Variants in OR5K2 observed in about 807,000 individuals in gnomAD.
OR5K2 encodes the protein olfactory receptor family 5 subfamily K member 2.
For synonymous variants in OR5K2, 124 were observed against 133.2 expected, an observed-to-expected ratio of 0.93 and a Z score of 0.48; for missense variants, 402 against 369.8, an observed-to-expected ratio of 1.09 and a Z score of -0.71.
Position 98,498,562 on chromosome 3 carries a change from C to T in OR5K2, c.882C>T (p.Asn294=), listed in dbSNP as rs201344411. 42 of 1,602,508 alleles carry T rather than the reference C, an allele frequency of 2.6e-5. No homozygotes were observed. Among genetic ancestry groups the T allele is most frequent in the Non-Finnish European group, 3.1e-5 (36 of 1,173,662 alleles). The change falls in exon 1 of 1, where the codon AAC becomes AAT. Residue 294 remains asparagine, a synonymous_variant. Coordinates refer to ENST00000427338, the MANE Select transcript of OR5K2 (RefSeq NM_001004737.1). ...LLNPFIYSLR[N]KEVISVLRKI... is the part of the protein sequence containing the mutation. ...ATCCTTTCATTTATAGTCTGAGAAA[C>T]AAGGAAGTAATAAGTGTCTTAAGAA...
rs1705731296 is a variant in OR5K2 at position 98,498,521 on chromosome 3, G to C, written c.841G>C (p.Val281Leu). The C allele has an allele frequency of 6.2e-7, 1 of 1,608,688 alleles. No individual in the cohort carries two copies. The highest frequency in any genetic ancestry group is 8.5e-7 in the Non-Finnish European group (1 of 1,175,544). The change falls in exon 1 of 1, where the codon GTA (valine) becomes CTA (leucine). Residue 281 changes from valine to leucine, a missense_variant. Physicochemically the swap from Val to Leu is conservative, Grantham distance 32. Transcript: ENST00000427338. ...DIPAAILFTI[V>L]VPLLNPFIYS... is the part of the protein sequence containing the mutation. ...ACCAGCTGCTATTTTATTTACAATA[G>C]TAGTTCCCTTACTAAATCCTTTCAT...
At position 98,498,487 on chromosome 3, in the gene OR5K2, T is replaced by C; in HGVS notation, c.807T>C (p.Gly269=). 9 of 1,610,900 alleles carry C rather than the reference T, an allele frequency of 5.6e-6. No individual in the cohort carries two copies. Among genetic ancestry groups the C allele is most frequent in the Non-Finnish European group, 6.8e-6 (8 of 1,177,314 alleles). ...YIRPNLLEEG[G]NDIPAAILFT... ...GACCAAATTTGCTTGAAGAAGGAGG[T>C]AATGATATACCAGCTGCTATTTTAT... Residue 269 remains glycine, a synonymous_variant, in exon 1 of 1, where the codon GGT becomes GGC. Transcript: ENST00000427338.
rs1705725367 is a variant in OR5K2, at chr3:98,498,155, C to T, written c.475C>T (p.His159Tyr). ...FIAGNLHSMI[H>Y]VGLVFRLVFC... is the part of the protein sequence containing the mutation. ...AGCTGGAAATCTGCATTCCATGATTCATGTAGGGCTTGTATTTAGGTTAGT... is the reference window on the plus strand; with the variant it reads ...AGCTGGAAATCTGCATTCCATGATTTATGTAGGGCTTGTATTTAGGTTAGT... Residue 159 changes from histidine (H) to tyrosine (Y), a missense_variant, in exon 1 of 1, where the codon CAT (histidine) becomes TAT (tyrosine). Transcript: ENST00000427338. 1 of 1,614,064 alleles carries T rather than the reference C, an allele frequency of 6.2e-7. No homozygotes were observed. Among genetic ancestry groups the T allele is most frequent in the African/African-American group, 1.3e-5 (1 of 75,012 alleles).
chr3:98,497,920 A>C lies in OR5K2; in HGVS notation c.240A>C (p.Lys80Asn), dbSNP rs756187431. Reference sequence around the variant, plus strand: ...GCTGTGCCTGTGCTATTACCCCCAAAATGTTAGAGAACTTCTTTTCTGAGG... The same window carrying C: ...GCTGTGCCTGTGCTATTACCCCCAACATGTTAGAGAACTTCTTTTCTGAGG... ...DSCCACAITP[K>N]MLENFFSEGK... The change falls in exon 1 of 1, where the codon AAA (lysine) becomes AAC (asparagine). Residue 80 changes from lysine to asparagine, a missense_variant. Coordinates refer to ENST00000427338, the MANE Select transcript of OR5K2 (RefSeq NM_001004737.1). 1 of 1,614,076 alleles carries C rather than the reference A, an allele frequency of 6.2e-7. No homozygotes were observed. Among genetic ancestry groups the C allele is most frequent in the Admixed American group, 1.7e-5 (1 of 60,006 alleles).
rs377303204 is a variant in OR5K2 at position 98,497,805 on chromosome 3, A to T, written c.125A>T (p.Asn42Ile). 2.5e-6 allele frequency: 4 copies of T among 1,614,028 alleles called. No individual in the cohort carries two copies. Among genetic ancestry groups the T allele is most frequent in the African/African-American group, 2.7e-5 (2 of 75,002 alleles). The change falls in exon 1 of 1, where the codon AAT becomes ATT. Residue 42 changes from asparagine to isoleucine, a missense_variant. Physicochemically the swap from Asn to Ile is moderately radical, Grantham distance 149. Coordinates refer to ENST00000427338, the MANE Select transcript of OR5K2 (RefSeq NM_001004737.1). ...FAIYLITVVG[N>I]ISLVALIFTH... The stretch of plus-strand genomic sequence containing the variant: ...ATCTATCTGATCACCGTGGTGGGGA[A>T]TATTAGTTTGGTGGCACTGATATTT...
Position 98,497,943 on chromosome 3 carries a change from AG to A in OR5K2, c.266del (p.Gly89AlafsTer47). ...TPKMLENFFSEGKRISLYECA... is the reference protein window; with the variant it reads ...TPKMLENFFSXGKRISLYECA... ...AAAATGTTAGAGAACTTCTTTTCTG[AG>A]GGCAAAAGGATTTCCCTCTATGAAT... On this transcript the variant is annotated frameshift_variant, in exon 1 of 1. Transcript: ENST00000427338. LOFTEE classifies it low-confidence loss of function (END_TRUNC). The A allele has an allele frequency of 6.2e-7, 1 of 1,614,102 alleles. No homozygotes were observed. Among genetic ancestry groups the A allele is most frequent in the Non-Finnish European group, 8.5e-7 (1 of 1,179,976 alleles).
rs190214421 is a variant in OR5K2, at chr3:98,497,799, T to C, written c.119T>C (p.Val40Ala). 1.9e-5 allele frequency: 30 copies of C among 1,614,056 alleles called. No homozygotes were observed. The Admixed American group carries it at 2.8e-4, about 15-fold the overall frequency. ...VFFAIYLITV[V>A]GNISLVALIF... ...TTTGCCATCTATCTGATCACCGTGG[T>C]GGGGAATATTAGTTTGGTGGCACTG... Residue 40 changes from valine (V) to alanine (A), a missense_variant, in exon 1 of 1, where the codon GTG becomes GCG. Transcript: ENST00000427338.
Position 98,498,574 on chromosome 3 carries a change from A to G in OR5K2, c.894A>G (p.Ile298Met), listed in dbSNP as rs764907092. ...ATAGTCTGAGAAACAAGGAAGTAAT[A>G]AGTGTCTTAAGAAAAATTCTGCTGA... is the stretch of plus-strand genomic sequence containing the variant. ...FIYSLRNKEVISVLRKILLKI... is the reference protein window; with the variant it reads ...FIYSLRNKEVMSVLRKILLKI... The change falls in exon 1 of 1, where the codon ATA becomes ATG. Residue 298 changes from isoleucine to methionine, a missense_variant. Transcript: ENST00000427338. 1 of 1,597,112 alleles carries G rather than the reference A, an allele frequency of 6.3e-7. No homozygotes were observed. Among genetic ancestry groups the G allele is most frequent in the African/African-American group, 1.3e-5 (1 of 74,136 alleles).
Position 98,498,515 on chromosome 3 carries a change from A to T in OR5K2, c.835A>T (p.Thr279Ser). ...GNDIPAAILF[T>S]IVVPLLNPFI... Reference sequence around the variant, plus strand: ...TGATATACCAGCTGCTATTTTATTTACAATAGTAGTTCCCTTACTAAATCC... The same window carrying T: ...TGATATACCAGCTGCTATTTTATTTTCAATAGTAGTTCCCTTACTAAATCC... Residue 279 changes from threonine (T) to serine (S), a missense_variant, in exon 1 of 1, where the codon ACA (threonine) becomes TCA (serine). By Grantham distance (58) the Thr-to-Ser change is moderately conservative (BLOSUM62 1). Transcript: ENST00000427338. 1 of 1,609,380 alleles carries T rather than the reference A, an allele frequency of 6.2e-7. No individual in the cohort carries two copies. Among genetic ancestry groups the T allele is most frequent in the Non-Finnish European group, 8.5e-7 (1 of 1,175,962 alleles).
chr3:98,498,348 T>G lies in OR5K2; in HGVS notation c.668T>G (p.Leu223Arg), dbSNP rs764001167. 5.6e-6 allele frequency: 9 copies of G among 1,613,742 alleles called. No homozygotes were observed. The highest frequency in any genetic ancestry group is 7.6e-6 in the Non-Finnish European group (9 of 1,179,848). The change falls in exon 1 of 1, where the codon CTT becomes CGT. Residue 223 changes from leucine to arginine, a missense_variant. Coordinates refer to ENST00000427338, the MANE Select transcript of OR5K2 (RefSeq NM_001004737.1). ...TTAATATCTTATCTCTATATTCTTC[T>G]TACTATTTTCAGAATGAAATCCAAG... ...SVLISYLYIL[L>R]TIFRMKSKEG...
rs368064508 is a variant in OR5K2, at chr3:98,497,702, A to G, written c.22A>G (p.Met8Val). 1.2e-5 allele frequency: 20 copies of G among 1,612,880 alleles called. No individual in the cohort carries two copies. Among genetic ancestry groups the G allele is most frequent in the Non-Finnish European group, 1.6e-5 (19 of 1,179,302 alleles). MVEENHT[M>V]KNEFILTGFT... Reference sequence around the variant, plus strand: ...AGGAATGGTTGAAGAAAATCATACCATGAAAAATGAGTTTATCCTCACAGG... The same window carrying G: ...AGGAATGGTTGAAGAAAATCATACCGTGAAAAATGAGTTTATCCTCACAGG... The change falls in exon 1 of 1, where the codon ATG becomes GTG. Residue 8 changes from methionine (M) to valine (V), a missense_variant. Met to Val is a conservative substitution (Grantham distance 21). Coordinates refer to ENST00000427338, the MANE Select transcript of OR5K2 (RefSeq NM_001004737.1).
Position 98,497,766 on chromosome 3 carries a change from T to C in OR5K2, c.86T>C (p.Val29Ala), listed in dbSNP as rs545364025. ...DHPELKTLLF[V>A]VFFAIYLITV... ...CCTGAGCTGAAGACTCTGCTGTTTGTGGTGTTCTTTGCCATCTATCTGATC... is the reference window on the plus strand; with the variant it reads ...CCTGAGCTGAAGACTCTGCTGTTTGCGGTGTTCTTTGCCATCTATCTGATC... The change falls in exon 1 of 1, where the codon GTG (valine) becomes GCG (alanine). Residue 29 changes from valine (V) to alanine (A), a missense_variant. Coordinates refer to ENST00000427338, the MANE Select transcript of OR5K2 (RefSeq NM_001004737.1). 327 of 1,614,072 alleles carry C rather than the reference T, an allele frequency of 2.0e-4. 1 individual carries two copies. The highest frequency in any genetic ancestry group is 2.5e-4 in the Non-Finnish European group (296 of 1,179,968).
At position 98,498,570 on chromosome 3, in the gene OR5K2, T is replaced by A. The variant is rs777766614; in HGVS notation, c.890T>A (p.Val297Glu). The change falls in exon 1 of 1, where the codon GTA becomes GAA. Residue 297 changes from valine to glutamate, a missense_variant. Physicochemically the swap from Val to Glu is moderately radical, Grantham distance 121. Transcript: ENST00000427338. ...PFIYSLRNKE[V>E]ISVLRKILLK... The stretch of plus-strand genomic sequence containing the variant: ...ATTTATAGTCTGAGAAACAAGGAAG[T>A]AATAAGTGTCTTAAGAAAAATTCTG... The A allele has an allele frequency of 6.3e-7, 1 of 1,599,848 alleles. No homozygotes were observed. The highest frequency in any genetic ancestry group is 1.1e-5 in the South Asian group (1 of 89,214).
rs764766800 is a variant in OR5K2 at position 98,497,993 on chromosome 3, T to C, written c.313T>C (p.Cys105Arg). ...ATGTGCAGTACAGTTTTATTTTCTTTGCACTGTGGAAACTGCAGACTGCTT... is the reference window on the plus strand; with the variant it reads ...ATGTGCAGTACAGTTTTATTTTCTTCGCACTGTGGAAACTGCAGACTGCTT... ...YECAVQFYFLCTVETADCFLL... is the reference protein window; with the variant it reads ...YECAVQFYFLRTVETADCFLL... The change falls in exon 1 of 1, where the codon TGC (cysteine) becomes CGC (arginine). Residue 105 changes from cysteine to arginine, a missense_variant. By Grantham distance (180) the Cys-to-Arg change is radical. Transcript: ENST00000427338. 5 of 1,613,952 alleles carry C rather than the reference T, an allele frequency of 3.1e-6. No homozygotes were observed. The highest frequency in any genetic ancestry group is 2.2e-5 in the South Asian group (2 of 91,078).
In OR5K2 at chr3:98,498,512, T is replaced by C. The variant is rs1254367266; in HGVS notation, c.832T>C (p.Phe278Leu). The C allele has an allele frequency of 1.9e-6, 3 of 1,609,082 alleles. No homozygotes were observed. The highest frequency in any genetic ancestry group is 2.6e-6 in the Non-Finnish European group (3 of 1,175,684). Residue 278 changes from phenylalanine (F) to leucine (L), a missense_variant, in exon 1 of 1, where the codon TTT becomes CTT. Coordinates refer to ENST00000427338, the MANE Select transcript of OR5K2 (RefSeq NM_001004737.1). The part of the protein sequence containing the change: ...GGNDIPAAIL[F>L]TIVVPLLNPF... Reference sequence around the variant, plus strand: ...TAATGATATACCAGCTGCTATTTTATTTACAATAGTAGTTCCCTTACTAAA... The same window carrying C: ...TAATGATATACCAGCTGCTATTTTACTTACAATAGTAGTTCCCTTACTAAA...
rs139313948 is a variant in OR5K2, at chr3:98,498,051, T to G, written c.371T>G (p.Val124Gly). The change falls in exon 1 of 1, where the codon GTG becomes GGG. Residue 124 changes from valine to glycine, a missense_variant. Physicochemically the swap from Val to Gly is moderately radical, Grantham distance 109. Coordinates refer to ENST00000427338, the MANE Select transcript of OR5K2 (RefSeq NM_001004737.1). ...LLAAVAYDRYVAICNPLQYHI... is the reference protein window; with the variant it reads ...LLAAVAYDRYGAICNPLQYHI... ...GCAGCAGTGGCCTATGACCGCTATGTGGCCATCTGCAACCCACTGCAGTAC... is the reference window on the plus strand; with the variant it reads ...GCAGCAGTGGCCTATGACCGCTATGGGGCCATCTGCAACCCACTGCAGTAC... 4 of 1,613,970 alleles carry G rather than the reference T, an allele frequency of 2.5e-6. No individual in the cohort carries two copies. In the African/African-American group the frequency reaches 5.3e-5, roughly 22 times the overall value.
chr3:98,497,821 A>G lies in OR5K2; in HGVS notation c.141A>G (p.Ala47=). ...ITVVGNISLV[A]LIFTHCRLHT... is the part of the protein sequence containing the mutation. ...TGGTGGGGAATATTAGTTTGGTGGCACTGATATTTACACACTGTCGGCTTC... is the reference window on the plus strand; with the variant it reads ...TGGTGGGGAATATTAGTTTGGTGGCGCTGATATTTACACACTGTCGGCTTC... The change falls in exon 1 of 1, where the codon GCA becomes GCG. Residue 47 remains alanine, a synonymous_variant. Transcript: ENST00000427338. 1 of 1,614,096 alleles carries G rather than the reference A, an allele frequency of 6.2e-7. No homozygotes were observed.
In OR5K2 at chr3:98,497,992, T is replaced by G; in HGVS notation, c.312T>G (p.Leu104=). 6.2e-7 allele frequency: 1 copy of G among 1,614,038 alleles called. No homozygotes were observed. Among genetic ancestry groups the G allele is most frequent in the Non-Finnish European group, 8.5e-7 (1 of 1,179,968 alleles). ...LYECAVQFYF[L]CTVETADCFL... is the part of the protein sequence containing the mutation. Reference sequence around the variant, plus strand: ...AATGTGCAGTACAGTTTTATTTTCTTTGCACTGTGGAAACTGCAGACTGCT... The same window carrying G: ...AATGTGCAGTACAGTTTTATTTTCTGTGCACTGTGGAAACTGCAGACTGCT... The change falls in exon 1 of 1, where the codon CTT becomes CTG. Residue 104 remains leucine (L), a synonymous_variant. Transcript: ENST00000427338.
Position 98,497,898 on chromosome 3 carries a change from G to A in OR5K2, c.218G>A (p.Cys73Tyr). ...LGNLALVDSC[C>Y]ACAITPKMLE... is the part of the protein sequence containing the mutation. ...AATCTGGCTCTTGTGGATTCTTGCTGTGCCTGTGCTATTACCCCCAAAATG... is the reference window on the plus strand; with the variant it reads ...AATCTGGCTCTTGTGGATTCTTGCTATGCCTGTGCTATTACCCCCAAAATG... Residue 73 changes from cysteine (C) to tyrosine (Y), a missense_variant, in exon 1 of 1, where the codon TGT (cysteine) becomes TAT (tyrosine). Coordinates refer to ENST00000427338, the MANE Select transcript of OR5K2 (RefSeq NM_001004737.1). The A allele has an allele frequency of 6.2e-7, 1 of 1,614,098 alleles. No homozygotes were observed. The highest frequency in any genetic ancestry group is 8.5e-7 in the Non-Finnish European group (1 of 1,179,988).
Sources: gnomAD v4.1 joint callset for allele counts on GRCh38, gnomAD v4.1.1 for gene constraint, MANE v1.5 for transcripts, NCBI Gene and HGNC (gene_info 2026-07-23, HGNC 2026-07-21) for gene names.